Variants in MCM5 observed in about 807,000 individuals in gnomAD.
MCM5 encodes the protein minichromosome maintenance complex component 5.
In MCM5, 46 loss-of-function variants were observed where a neutral mutation model predicts 79.9. That is an observed-to-expected ratio of 0.58 (90% CI 0.45 to 0.74). The LOEUF (loss-of-function observed/expected upper bound fraction) is 0.74. Ranked by LOEUF, MCM5 falls within the 30% of genes least tolerant of loss-of-function variation. The probability of loss-of-function intolerance (pLI) is 0.00; values close to 1 mark genes in which losing one functional copy is unlikely to be tolerated. For missense variants in MCM5, 883 were observed against 1,017.0 expected (o/e 0.87, Z 1.79); for synonymous variants, 404 against 390.5 (o/e 1.03, Z -0.41).
At chr22:35,451,783 G>T in the MCM5 span, among the ~76,000 whole-genome samples, 1 of 152,240 alleles carries the variant, frequency 6.6e-6, no homozygotes, top group Non-Finnish European at 1.5e-5. Flanking sequence ...AAAAGGATGA[G>T]CCCCTCTCTC....
At chr22:35,444,510 G>A in the MCM5 span, among the ~76,000 whole-genome samples, 1 of 152,118 alleles carries the variant, frequency 6.6e-6, no homozygotes, top group East Asian at 1.9e-4. Flanking sequence ...GGGCTGTCGC[G>A]GCCCAGAGCT....
the MCM5 span, among the ~76,000 whole-genome samples, chr22:35,442,040 C>A: frequency 4.6e-5 from 7 of 152,086 alleles, no homozygotes; most frequent in East Asian, 9.7e-4. Flanking sequence ...CCAATCTGGT[C>A]GAATCTAAAT....
intron 13 of MCM5, among the ~76,000 whole-genome samples, chr22:35,418,413 A>G (rs1427496940): frequency 6.6e-6 from 1 of 152,168 alleles, no homozygotes; most frequent in Admixed American, 6.6e-5. Flanking sequence ...TAATCCCAGC[A>G]CTTTGGGAGG....
intron 9 of MCM5, among the ~76,000 whole-genome samples, chr22:35,415,599 A>G (rs1474016543): frequency 6.6e-6 from 1 of 152,214 alleles, no homozygotes; most frequent in African/African-American, 2.4e-5. Flanking sequence ...TAGGTGAGCC[A>G]TGGATGTGAT....
At chr22:35,448,215 G>T in the MCM5 span, among the ~76,000 whole-genome samples, 2 of 152,236 alleles carry the variant, frequency 1.3e-5, no homozygotes, top group African/African-American at 2.4e-5. Context: ...CAAAGCGCCT[G>T]CCTCGTACAG....
the MCM5 span, among the ~76,000 whole-genome samples, chr22:35,438,755 CCATT>C: frequency 4.7e-5 from 7 of 148,910 alleles, no homozygotes; most frequent in Admixed American, 3.3e-4. Context: ...ATTCACCCAT[CCATT>C]CATCCATCTA....
the MCM5 span, among the ~76,000 whole-genome samples, chr22:35,450,260 C>T: frequency 6.6e-6 from 1 of 152,156 alleles, no homozygotes; most frequent in Non-Finnish European, 1.5e-5. Context: ...GCTGCTTCCT[C>T]TCTGGGCGAC....
At chr22:35,400,257 G>C in intron 1 of MCM5, 49 bp downstream of exon 1, 1 of 657,954 alleles carries the variant, frequency 1.5e-6, no homozygotes, top group Non-Finnish European at 2.7e-6. Context: ...CAGGCATCTG[G>C]ATTTCCGGGT....
chr22:35,409,853 G>A (rs990360589), intron 6 of MCM5: 1 of 152,284 alleles, frequency 6.6e-6, no homozygotes, highest in African/African-American at 2.4e-5. Context: ...TGGGGATAAG[G>A]ACAGTCCTTA....
At position 35,423,255 on chromosome 22, in the gene MCM5, A is replaced by G. The variant is rs1414397325; in HGVS notation, c.2017A>G (p.Ser673Gly). Residue 673 changes from serine (S) to glycine (G), a missense_variant, in exon 16 of 17, where the codon AGC becomes GGC. Physicochemically the swap from Ser to Gly is moderately conservative, Grantham distance 56. Coordinates refer to ENST00000216122, the MANE Select transcript of MCM5 (RefSeq NM_006739.4). ...CAGCCAGGAGGACCAGGAGATGCTG[A>G]GCCGCATCGAGAAGCAGCTCAAGCG... Reference protein sequence around the residue: ...FTSQEDQEMLSRIEKQLKRRF... With the variant: ...FTSQEDQEMLGRIEKQLKRRF... 1 of 1,604,986 alleles carries G rather than the reference A, an allele frequency of 6.2e-7. No homozygotes were observed. Among genetic ancestry groups the G allele is most frequent in the Non-Finnish European group, 8.5e-7 (1 of 1,174,336 alleles).
At chr22:35,438,793 ATCCATCCATCCATCCATCCATCCG>A in the MCM5 span, among the ~76,000 whole-genome samples, 1 of 149,380 alleles carries the variant, frequency 6.7e-6, no homozygotes, top group East Asian at 2.0e-4. Flanking sequence ...TCATCCATCC[ATCCATCCATCCATCCATCCATCCG>A]TCCATCCACA....
At chr22:35,439,976 C>T in the MCM5 span, among the ~76,000 whole-genome samples, 1 of 152,156 alleles carries the variant, frequency 6.6e-6, no homozygotes, top group Non-Finnish European at 1.5e-5. Flanking sequence ...TGAAAGTGAA[C>T]CTGAAAAGAA....
chr22:35,421,702 G>C (rs1472224622), intron 15 of MCM5: 1 of 571,294 alleles, frequency 1.8e-6, no homozygotes, highest in Non-Finnish European at 3.2e-6. Flanking sequence ...TCTTGACCCA[G>C]GTCATTGATG....
In MCM5 at chr22:35,423,276, A is replaced by G. The variant is rs150597340; in HGVS notation, c.2038A>G (p.Lys680Glu). 39 of 1,608,682 alleles carry G rather than the reference A, an allele frequency of 2.4e-5. No homozygotes were observed. The highest frequency in any genetic ancestry group is 3.2e-5 in the Non-Finnish European group (38 of 1,176,752). Residue 680 changes from lysine to glutamate, a missense_variant, in exon 16 of 17, where the codon AAG (lysine) becomes GAG (glutamate). Lys to Glu is a moderately conservative substitution (Grantham distance 56). Around this residue, in one of 3 missense-constraint regions of MCM5, gnomAD observed 426 missense variants for 482.3 expected, o/e 0.88. Transcript: ENST00000216122. The part of the protein sequence containing the change: ...EMLSRIEKQL[K>E]RRFAIGSQVS... ...GCTGAGCCGCATCGAGAAGCAGCTC[A>G]AGCGCCGCTTTGCCATTGGCTCCCA...
At chr22:35,452,258 G>A in the MCM5 span, among the ~76,000 whole-genome samples, 1 of 152,060 alleles carries the variant, frequency 6.6e-6, no homozygotes, top group African/African-American at 2.4e-5. Context: ...CCCCCTGCCT[G>A]GATCACTCCA....
At chr22:35,400,353 G>C in intron 1 of MCM5, 78 bp from the exon 2 acceptor site, 3 of 1,551,920 alleles carry the variant, frequency 1.9e-6, no homozygotes, top group Admixed American at 3.3e-5. Context: ...CGGACTCAGG[G>C]CAGGGACCCA....
At chr22:35,401,580 C>T (rs908178502) in intron 2 of MCM5, 139 of 470,398 alleles carry the variant, frequency 3.0e-4, no homozygotes, top group Non-Finnish European at 6.6e-5. Flanking sequence ...CCATTATTAG[C>T]TGAGTGACTT....
Position 35,416,737 on chromosome 22 carries a change from G to A in MCM5, c.1513G>A (p.Asp505Asn), listed in dbSNP as rs781563298. ...WDETKGEDNIDFMPTILSRFD... is the reference protein window; with the variant it reads ...WDETKGEDNINFMPTILSRFD... ...TGAGACGAAGGGGGAGGACAACATT[G>A]ACTTCATGCCCACCATCTTGTCGCG... Residue 505 changes from aspartate to asparagine, a missense_variant, in exon 12 of 17, where the codon GAC (aspartate) becomes AAC (asparagine). Around this residue, in one of 3 missense-constraint regions of MCM5, gnomAD observed 426 missense variants for 482.3 expected, o/e 0.88. Transcript: ENST00000216122. The A allele has an allele frequency of 1.9e-6, 3 of 1,614,134 alleles. No individual in the cohort carries two copies. The highest frequency in any genetic ancestry group is 3.3e-5 in the Admixed American group (2 of 60,006).
At chr22:35,438,888 CATCT>C in the MCM5 span, among the ~76,000 whole-genome samples, 1 of 148,204 alleles carries the variant, frequency 6.7e-6, no homozygotes, top group East Asian at 2.0e-4. Context: ...TCCATCCATC[CATCT>C]ACATATCCAT....
Sources: allele counts gnomAD v4.1 joint callset (sites outside exome capture counted in the v4.1 genomes callset), GRCh38; gene constraint gnomAD v4.1.1; regional missense constraint gnomAD v4.1.1; transcripts MANE v1.5; gene names NCBI Gene and HGNC (gene_info 2026-07-23, HGNC 2026-07-21).